The following EVI5 variants were observed in gnomAD, a reference collection of about 807,000 sequenced individuals.
EVI5 encodes the protein ecotropic viral integration site 5 protein homolog.
Under a neutral mutation model 112.0 loss-of-function variants are expected in EVI5, and 73 were observed. The ratio of observed to expected loss-of-function variants is 0.65; its 90% CI spans 0.54 to 0.79. EVI5 has a LOEUF of 0.79. Ranked by LOEUF, EVI5 falls within the 30% of genes least tolerant of loss-of-function variation. EVI5 has a pLI of 0.00. For missense variants in EVI5, 900 were observed against 968.8 expected (o/e 0.93, Z 0.94); for synonymous variants, 305 against 319.9 (o/e 0.95, Z 0.50).
chr1:92,636,051 A>C, intron 14 of EVI5, 151 bp downstream of exon 14: 2 of 613,974 alleles, frequency 3.3e-6, no homozygotes, highest in Non-Finnish European at 5.4e-6. Flanking sequence ...GCAATTTTAA[A>C]AATCTTTTTT....
chr1:92,670,610 C>T lies in EVI5; in HGVS notation c.1159-4618G>A, dbSNP rs181741314. On this transcript the variant is annotated intron_variant, in intron 10 of 19. Coordinates refer to ENST00000684568, the MANE Select transcript of EVI5 (RefSeq NM_001350197.2). ...TGACTGAACAAAAACAAAACCATGA[C>T]GTTTATTTAAATTACTGATCACTAA... Among the ~76,000 whole-genome samples, 10 of 152,232 alleles carry T rather than the reference C, an allele frequency of 6.6e-5. No homozygotes were observed. The East Asian group carries it at 1.9e-3, about 29-fold the overall frequency.
At chr1:92,622,322 G>A (rs1035036923) in intron 16 of EVI5, 6 of 449,548 alleles carry the variant, frequency 1.3e-5, no homozygotes, top group African/African-American at 1.2e-4. Flanking sequence ...ATTTTAAGAA[G>A]GGGTCCACAG....
In EVI5 at chr1:92,703,495, T is replaced by C. The variant is rs141479784; in HGVS notation, c.464A>G (p.Glu155Gly). ...AGCAATGTCCCTTCGGATCAATTTTTCACAAGGCGAGGTCATTTTCAGGAG... is the reference window on the plus strand; with the variant it reads ...AGCAATGTCCCTTCGGATCAATTTTCCACAAGGCGAGGTCATTTTCAGGAG... ...SELLKMTSPCEKLIRRDIART... is the reference protein window; with the variant it reads ...SELLKMTSPCGKLIRRDIART... Residue 155 changes from glutamate to glycine, a missense_variant, in exon 4 of 20, where the codon GAA becomes GGA. Transcript: ENST00000684568. 3.1e-6 allele frequency: 5 copies of C among 1,600,314 alleles called. No individual in the cohort carries two copies. The African/African-American group carries it at 4.1e-5, about 13-fold the overall frequency.
intron 2 of EVI5, among the ~76,000 whole-genome samples, chr1:92,716,024 G>T (rs1030563760): frequency 2.6e-5 from 4 of 152,128 alleles, no homozygotes; most frequent in African/African-American, 9.7e-5. Context: ...CTCCACCTCT[G>T]GGGGGCAAGG....
chr1:92,724,830 A>C (rs1385558610), intron 2 of EVI5, among the ~76,000 whole-genome samples: 1 of 152,028 alleles, frequency 6.6e-6, no homozygotes, highest in Non-Finnish European at 1.5e-5. Flanking sequence ...ATATATATAT[A>C]AATAAAGACT....
chr1:92,745,913 T>C (rs936668780), intron 1 of EVI5, among the ~76,000 whole-genome samples: 3 of 152,226 alleles, frequency 2.0e-5, no homozygotes, highest in African/African-American at 7.2e-5. Context: ...AATTGGTGAA[T>C]AGTGTTAAAC....
chr1:92,534,373 T>C (rs1663439716), intron 19 of EVI5, among the ~76,000 whole-genome samples: 1 of 152,216 alleles, frequency 6.6e-6, no homozygotes, highest in African/African-American at 2.4e-5. Flanking sequence ...ATTTCTAGAT[T>C]CAATGCTATC....
At chr1:92,752,747 A>T (rs571523212) in intron 1 of EVI5, among the ~76,000 whole-genome samples, 1 of 152,058 alleles carries the variant, frequency 6.6e-6, no homozygotes, top group African/African-American at 2.4e-5. Flanking sequence ...CAGTCAGCTC[A>T]CAATAAAGCC....
chr1:92,683,831 C>T (rs1052443830), intron 9 of EVI5, among the ~76,000 whole-genome samples: 10 of 151,182 alleles, frequency 6.6e-5, no homozygotes, highest in East Asian at 5.8e-4. Flanking sequence ...TGAAATAAAA[C>T]GAAAAGACAA....
chr1:92,745,214 A>G (rs1679087956), intron 1 of EVI5, among the ~76,000 whole-genome samples: 1 of 151,426 alleles, frequency 6.6e-6, no homozygotes, highest in African/African-American at 2.4e-5. Context: ...TGCTGAGATG[A>G]CAGGCGTGGA....
chr1:92,605,357 T>G lies in EVI5; in HGVS notation c.2020A>C (p.Ile674Leu). 1 of 1,613,770 alleles carries G rather than the reference T, an allele frequency of 6.2e-7. No homozygotes were observed. The highest frequency in any genetic ancestry group is 8.5e-7 in the Non-Finnish European group (1 of 1,179,708). Reference protein sequence around the residue: ...MAVRLREADSIAAVAELRQHI... With the variant: ...MAVRLREADSLAAVAELRQHI... ...TGTCGTAGTTCAGCCACAGCAGCTA[T>G]GCTATCTGCTTCCCGAAGCCTCACA... The change falls in exon 18 of 20, where the codon ATA becomes CTA. Residue 674 changes from isoleucine to leucine, a missense_variant. Ile to Leu is a conservative substitution (Grantham distance 5). Coordinates refer to ENST00000684568, the MANE Select transcript of EVI5 (RefSeq NM_001350197.2).
In EVI5 at chr1:92,736,280, T is replaced by TG. The variant is rs1347466372; in HGVS notation, c.149+117dup. On this transcript the variant is annotated intron_variant, in intron 2 of 19. Coordinates refer to ENST00000684568, the MANE Select transcript of EVI5 (RefSeq NM_001350197.2). ...TCCCCCCAAAAAAGATGAACACTTC[T>TG]GTAAATAACTTTGATAAATAAGAAA... The TG allele has an allele frequency of 1.4e-5, 9 of 658,260 alleles. No individual in the cohort carries two copies. The East Asian group carries it at 2.5e-4, about 18-fold the overall frequency. 40.8% of individuals were successfully genotyped at this position (658,260 alleles called of 1,614,324 possible). A position where few individuals can be genotyped will look rare whatever the true frequency, so the allele number is the denominator to read the frequency against.
chr1:92,632,524 T>C (rs914308312), intron 14 of EVI5, among the ~76,000 whole-genome samples: 41 of 152,252 alleles, frequency 2.7e-4, no homozygotes, highest in African/African-American at 9.4e-4. Flanking sequence ...GTTGGTGATA[T>C]CCCCTTTATC....
intron 19 of EVI5, among the ~76,000 whole-genome samples, chr1:92,517,482 G>A (rs1399624256): frequency 6.6e-6 from 1 of 152,096 alleles, no homozygotes; most frequent in Non-Finnish European, 1.5e-5. Flanking sequence ...AAATAAAATG[G>A]GGCTGAGACA....
At chr1:92,555,456 GAA>G (rs1350257728) in intron 19 of EVI5, among the ~76,000 whole-genome samples, 1 of 152,178 alleles carries the variant, frequency 6.6e-6, no homozygotes, top group Non-Finnish European at 1.5e-5. Context: ...TTTACAGTAA[GAA>G]TGTTAATTCT....
At chr1:92,762,756 TATAC>T (rs1344040651) in intron 1 of EVI5, among the ~76,000 whole-genome samples, 1 of 152,188 alleles carries the variant, frequency 6.6e-6, no homozygotes, top group Non-Finnish European at 1.5e-5. Flanking sequence ...TATTATAGAC[TATAC>T]TTAATCTTTT....
At chr1:92,788,207 C>A (rs1438852625), upstream of EVI5, among the ~76,000 whole-genome samples, 1 of 152,100 alleles carries the variant, frequency 6.6e-6, no homozygotes, top group Non-Finnish European at 1.5e-5. Context: ...TAGTGGCTCA[C>A]ACCTGTAATC....
At chr1:92,637,740 C>T (rs1304746419) in intron 13 of EVI5, among the ~76,000 whole-genome samples, 1 of 152,150 alleles carries the variant, frequency 6.6e-6, no homozygotes, top group Admixed American at 6.5e-5. Context: ...GTTATTTTTA[C>T]TCTTTAATAT....
chr1:92,744,082 G>A (rs1395356161), intron 1 of EVI5, among the ~76,000 whole-genome samples: 3 of 152,054 alleles, frequency 2.0e-5, no homozygotes, highest in Non-Finnish European at 4.4e-5. Context: ...ACTTAGAAGT[G>A]TGTTTTTTAA....
Sources: gnomAD v4.1 joint callset for allele counts (sites outside exome capture counted in the v4.1 genomes callset) on GRCh38, gnomAD v4.1.1 for gene constraint, MANE v1.5 for transcripts, NCBI Gene and HGNC (gene_info 2026-07-23, HGNC 2026-07-21) for gene names.